LRP8: variants seen among roughly 807,000 people sequenced by gnomAD.
The protein encoded by LRP8 is low-density lipoprotein receptor-related protein 8.
In LRP8, 46 loss-of-function variants were observed where a neutral mutation model predicts 111.6. That is an observed-to-expected ratio of 0.41 (90% confidence interval 0.33 to 0.53). The LOEUF (loss-of-function observed/expected upper bound fraction) is 0.53, where lower values mean the gene tolerates loss of function less well. Ranked by LOEUF, LRP8 falls within the 20% of genes least tolerant of loss-of-function variation. The pLI, the probability that LRP8 is intolerant of heterozygous loss-of-function variation, is 0.20. For synonymous variants in LRP8, 464 were observed against 511.2 expected (o/e 0.91, Z 1.24); for missense variants, 959 against 1,297.4 (o/e 0.74, Z 4.01).
At chr1:53,311,601 CCTCCCCAGTGTG>C (rs61226926) in intron 2 of LRP8, among the ~76,000 whole-genome samples, 17,595 of 151,810 alleles carry the variant, frequency 0.12, 3,423 homozygotes, top group African/African-American at 0.4. Context: ...CTGCCCCCAG[CCTCCCCAGTGTG>C]CTCCCCAGCC....
chr1:53,323,960 G>C (rs1266836836), intron 2 of LRP8, among the ~76,000 whole-genome samples: 1 of 152,224 alleles, frequency 6.6e-6, no homozygotes, highest in Non-Finnish European at 1.5e-5. Flanking sequence ...CCAGCCTCTT[G>C]GTATTCAGGG....
chr1:53,326,646 C>T (rs1414791263), intron 2 of LRP8, among the ~76,000 whole-genome samples: 3 of 152,214 alleles, frequency 2.0e-5, no homozygotes, highest in African/African-American at 4.8e-5. Flanking sequence ...CCCGGGGCTC[C>T]GCCCCGGCCC....
chr1:53,245,356 A>G lies in LRP8; in HGVS notation c.*1662T>C, dbSNP rs1208429451. ...TTGTCTAGTGGGAGTAAGTGGCAGA[A>G]CAGCAGAGTTAAGAAACTCAAACTC... is the stretch of plus-strand genomic sequence containing the variant. On this transcript the variant is annotated 3_prime_UTR_variant, in exon 19 of 19. Coordinates refer to ENST00000306052, the MANE Select transcript of LRP8 (RefSeq NM_004631.5). 1 of 152,244 alleles carries G rather than the reference A, an allele frequency of 6.6e-6. No homozygotes were observed. Among genetic ancestry groups the G allele is most frequent in the East Asian group, 1.9e-4 (1 of 5,194 alleles). 9.4% of individuals were successfully genotyped at this position (152,244 alleles called of 1,614,324 possible). A position where few individuals can be genotyped will look rare whatever the true frequency, so the allele number is the denominator to read the frequency against.
intron 2 of LRP8, among the ~76,000 whole-genome samples, chr1:53,300,400 C>T (rs1386263931): frequency 2.6e-5 from 4 of 152,214 alleles, no homozygotes; most frequent in Non-Finnish European, 5.9e-5. Flanking sequence ...GAGTGGATCC[C>T]AGCCCAGGGC....
intron 3 of LRP8, 89 bp from the exon 4 acceptor site, chr1:53,280,804 G>A: frequency 1.3e-6 from 2 of 1,530,094 alleles, no homozygotes; most frequent in Non-Finnish European, 1.8e-6. Context: ...CCAGCCATCT[G>A]GTCCAAGGCC....
In LRP8 at chr1:53,250,714, A is replaced by G; in HGVS notation, c.2652T>C (p.Ala884=). 6.2e-7 allele frequency: 1 copy of G among 1,614,088 alleles called. No homozygotes were observed. The highest frequency in any genetic ancestry group is 1.3e-5 in the African/African-American group (1 of 75,050). ...CTGCAGGATAGACATGGCCAATCTG[A>G]GCAGTTCTCCCTATATGGAGCTCAT... The part of the protein sequence containing the change: ...DEDELHIGRT[A]QIGHVYPAAI... The change falls in exon 17 of 19, where the codon GCT becomes GCC. Residue 884 remains alanine (A), a synonymous_variant. Transcript: ENST00000306052. The surrounding 1 kb of genome is among the most constrained non-coding windows in gnomAD (Gnocchi z 4.6).
chr1:53,284,585 C>T (rs1647288107), intron 3 of LRP8, among the ~76,000 whole-genome samples: 1 of 152,218 alleles, frequency 6.6e-6, no homozygotes, highest in African/African-American at 2.4e-5. Context: ...CCAGGTTCTA[C>T]AGACCCCAGT....
rs534328498 is a variant in LRP8, at chr1:53,293,788, A to G, written c.245-4099T>C. On this transcript the variant is annotated intron_variant, in intron 2 of 18. Coordinates refer to ENST00000306052, the MANE Select transcript of LRP8 (RefSeq NM_004631.5). This position sits in a 1 kb window ranked among gnomAD's most constrained non-coding sequence, Gnocchi z 4.9. ...AAAGCACGCTGGAGGGCCCCATTGG[A>G]AGTGTGACCATATGGAAGGATCTGG... 6.6e-6 allele frequency among the ~76,000 whole-genome samples: 1 copy of G among 152,284 alleles called. No homozygotes were observed. Among genetic ancestry groups the G allele is most frequent in the South Asian group, 2.1e-4 (1 of 4,826 alleles).
intron 2 of LRP8, chr1:53,306,137 G>C (rs930363583): frequency 6.6e-6 from 1 of 152,302 alleles, no homozygotes; most frequent in East Asian, 1.9e-4. Context: ...TACCAGACTA[G>C]CAGCTCGGTG....
At chr1:53,301,790 G>A (rs1342785411) in intron 2 of LRP8, among the ~76,000 whole-genome samples, 4 of 151,862 alleles carry the variant, frequency 2.6e-5, no homozygotes, top group African/African-American at 7.3e-5. Flanking sequence ...GGACCAGAAC[G>A]CAGGTTGTTT....
chr1:53,269,149 C>A (rs191297393), intron 8 of LRP8, among the ~76,000 whole-genome samples: 1 of 152,294 alleles, frequency 6.6e-6, no homozygotes, highest in Admixed American at 6.5e-5. Context: ...TCCTAGTTTC[C>A]TTGCTCCAAC....
rs1233385135 is a variant in LRP8 at position 53,242,846 on chromosome 1, T to C, written c.*4172A>G. 1.6e-5 allele frequency: 2 copies of C among 128,422 alleles called. No individual in the cohort carries two copies. Among genetic ancestry groups the C allele is most frequent in the South Asian group, 2.2e-4 (1 of 4,538 alleles). The allele number at this position is 128,422 out of a possible 1,614,324, so 8.0% of individuals were successfully genotyped here. On this transcript the variant is annotated 3_prime_UTR_variant, in exon 19 of 19. Coordinates refer to ENST00000306052, the MANE Select transcript of LRP8 (RefSeq NM_004631.5). Reference sequence around the variant, plus strand: ...AAAACCTTGGCTTTAAATATATATATATATATATATATACACACACACACA... The same window carrying C: ...AAAACCTTGGCTTTAAATATATATACATATATATATATACACACACACACA...
At position 53,242,836 on chromosome 1, in the gene LRP8, A is replaced by AATATATATATATAT. The variant is rs144308373; in HGVS notation, c.*4168_*4181dup. ...AAAAAGTATCAAAACCTTGGCTTTAAATATATATATATATATATATATACA... is the reference window on the plus strand; with the variant it reads ...AAAAAGTATCAAAACCTTGGCTTTAAATATATATATATATATATATATATATATATATATATACA... On this transcript the variant is annotated 3_prime_UTR_variant, in exon 19 of 19. Coordinates refer to ENST00000306052, the MANE Select transcript of LRP8 (RefSeq NM_004631.5). The AATATATATATATAT allele has an allele frequency of 6.9e-6, 1 of 145,284 alleles. No homozygotes were observed. Among genetic ancestry groups the AATATATATATATAT allele is most frequent in the African/African-American group, 2.5e-5 (1 of 39,860 alleles). The allele number at this position is 145,284 out of a possible 1,614,324, so 9.0% of individuals were successfully genotyped here.
chr1:53,277,128 C>A, intron 4 of LRP8, 50 bp from the exon 5 acceptor site: 1 of 1,400,300 alleles, frequency 7.1e-7, no homozygotes, highest in South Asian at 1.5e-5. Context: ...CCCCGGCCGA[C>A]CTGGGGCCCC....
At position 53,279,310 on chromosome 1, in the gene LRP8, C is replaced by G. The variant is rs1572524016; in HGVS notation, c.496+1277G>C. On this transcript the variant is annotated intron_variant, in intron 4 of 18. Coordinates refer to ENST00000306052, the MANE Select transcript of LRP8 (RefSeq NM_004631.5). The surrounding 1 kb of genome is among the most constrained non-coding windows in gnomAD (Gnocchi z 4.4). ...CCCAGTAAGACCTTCTGACACCTCT[C>G]TCTCCCATAATTAATGGGGAATGTT... is the stretch of plus-strand genomic sequence containing the variant. Among the ~76,000 whole-genome samples the G allele has an allele frequency of 6.6e-6, 1 of 152,294 alleles. No individual in the cohort carries two copies. The highest frequency in any genetic ancestry group is 6.5e-5 in the Admixed American group (1 of 15,304).
chr1:53,318,047 C>T (rs1654034135), intron 2 of LRP8, among the ~76,000 whole-genome samples: 1 of 152,192 alleles, frequency 6.6e-6, no homozygotes, highest in South Asian at 2.1e-4. Context: ...GGAGTCTGCT[C>T]CAAGTGCTGG....
rs1423505261 is a variant in LRP8, at chr1:53,327,625, G to GGGGCCGA, written c.124+157_124+163dup. ...TCAACACCGAGGCCCGCGGGGGCGG[G>GGGGCCGA]GGGCCGAGGGCAAATTCAGGAATAG... On this transcript the variant is annotated intron_variant, in intron 1 of 18. Coordinates refer to ENST00000306052, the MANE Select transcript of LRP8 (RefSeq NM_004631.5). 3.9e-5 allele frequency among the ~76,000 whole-genome samples: 6 copies of GGGGCCGA among 152,284 alleles called. No homozygotes were observed. The East Asian group carries it at 1.2e-3, about 30-fold the overall frequency.
chr1:53,320,143 C>T (rs772135887), intron 2 of LRP8, among the ~76,000 whole-genome samples: 14 of 152,392 alleles, frequency 9.2e-5, no homozygotes, highest in Non-Finnish European at 1.6e-4. Context: ...CTCCCTAACT[C>T]TTCTTAGTGT....
chr1:53,316,958 G>A (rs1653890319), intron 2 of LRP8, among the ~76,000 whole-genome samples: 1 of 152,082 alleles, frequency 6.6e-6, no homozygotes, highest in Non-Finnish European at 1.5e-5. Context: ...GGCTTGGTTT[G>A]GGCAGACTTA....
Sources: gnomAD v4.1 joint callset for allele counts (sites outside exome capture counted in the v4.1 genomes callset) on GRCh38, gnomAD v4.1.1 for gene constraint, Gnocchi (gnomAD v3.1) non-coding constraint, MANE v1.5 for transcripts, NCBI Gene and HGNC (gene_info 2026-07-23, HGNC 2026-07-21) for gene names.